VAV2: variants seen among roughly 807,000 people sequenced by gnomAD.
VAV2 encodes the protein guanine nucleotide exchange factor VAV2.
In VAV2, 67 loss-of-function variants were observed where a neutral mutation model predicts 132.5. The ratio of observed to expected loss-of-function variants is 0.51; its 90% CI spans 0.42 to 0.62. The LOEUF (loss-of-function observed/expected upper bound fraction) is 0.62. Among genes scored for constraint, VAV2 ranks in the 20% least tolerant of loss-of-function variants. VAV2 has a pLI of 0.00. For synonymous variants in VAV2, 492 were observed against 443.5 expected, an observed-to-expected ratio of 1.11 and a Z score of -1.37; for missense variants, 938 against 1,153.6, an observed-to-expected ratio of 0.81 and a Z score of 2.71.
Position 133,860,163 on chromosome 9 carries a change from G to A in VAV2, c.380+1211C>T, listed in dbSNP as rs62576549. Among the ~76,000 whole-genome samples the A allele has an allele frequency of 5.7e-3, 866 of 151,966 alleles. 7 individuals carry two copies. Among genetic ancestry groups the A allele is most frequent in the Non-Finnish European group, 8.2e-3 (558 of 67,946 alleles). On this transcript the variant is annotated intron_variant, in intron 3 of 29. Transcript: ENST00000371850. ...TGAAAATACAAAAAATTAGCCGGGC[G>A]TGGTGGTGCGTGCCTGTAATCCCAG...
chr9:133,827,715 G>A (rs3017469), intron 4 of VAV2, among the ~76,000 whole-genome samples: 361 of 8,680 alleles, frequency 0.042, 14 homozygotes, highest in Middle Eastern at 0.12. Flanking sequence ...GCGCCCACTG[G>A]GGCTGACCAC....
At chr9:133,980,798 A>G (rs66904038) in intron 1 of VAV2, among the ~76,000 whole-genome samples, 15,767 of 152,196 alleles carry the variant, frequency 0.1, 889 homozygotes, top group Middle Eastern at 0.13. Context: ...CAGATTTCAA[A>G]AACTGCAACA....
At chr9:133,784,283 C>A in intron 18 of VAV2, 34 bp downstream of exon 18, 1 of 1,598,302 alleles carries the variant, frequency 6.3e-7, no homozygotes. Context: ...GGGCGTGGAG[C>A]GAGGTGAGGG....
At chr9:133,976,846 A>G (rs1305123816) in intron 1 of VAV2, among the ~76,000 whole-genome samples, 1 of 151,984 alleles carries the variant, frequency 6.6e-6, no homozygotes, top group Non-Finnish European at 1.5e-5. Context: ...TCATCCACTG[A>G]GGAAGCCACT....
At chr9:133,915,128 T>C (rs1840031151) in intron 2 of VAV2, among the ~76,000 whole-genome samples, 1 of 152,106 alleles carries the variant, frequency 6.6e-6, no homozygotes, top group African/African-American at 2.4e-5. Context: ...CCCCTTTTCC[T>C]GGCTCAGGGA....
rs771937857 is a variant in VAV2, at chr9:133,909,722, C to T, written c.321+29381G>A. Among the ~76,000 whole-genome samples the T allele has an allele frequency of 8.5e-5, 13 of 152,270 alleles. No individual in the cohort carries two copies. The South Asian group carries it at 1.2e-3, about 15-fold the overall frequency. ...ATGGCAGACACACGGTGTGTGAGGC[C>T]GGAAGAAACACTCTGCCCTGAGACT... On this transcript the variant is annotated intron_variant, in intron 2 of 29. Coordinates refer to ENST00000371850, the MANE Select transcript of VAV2 (RefSeq NM_001134398.2).
At chr9:133,830,674 A>T (rs1333980676) in intron 4 of VAV2, among the ~76,000 whole-genome samples, 1 of 152,196 alleles carries the variant, frequency 6.6e-6, no homozygotes, top group East Asian at 1.9e-4. Context: ...CTGGCTTCTG[A>T]TTAGACCATT....
At chr9:133,909,587 AAGAGATAGCCAGCGGCTATCTCTTCCTC>A (rs1839803103) in intron 2 of VAV2, among the ~76,000 whole-genome samples, 1 of 152,104 alleles carries the variant, frequency 6.6e-6, no homozygotes, top group Non-Finnish European at 1.5e-5. Context: ...TGCCATCCAC[AAGAGATAGCCAGCGGCTATCTCTTCCTC>A]CTTGTCACTG....
intron 1 of VAV2, among the ~76,000 whole-genome samples, chr9:133,956,326 C>T (rs917516460): frequency 6.6e-6 from 1 of 152,178 alleles, no homozygotes; most frequent in Admixed American, 6.5e-5. Context: ...CCCTGTGACC[C>T]TCAGCCCAAG....
At chr9:133,832,123 G>C (rs569328218) in intron 4 of VAV2, among the ~76,000 whole-genome samples, 1 of 152,328 alleles carries the variant, frequency 6.6e-6, no homozygotes, top group African/African-American at 2.4e-5. Flanking sequence ...GGAGAGGACA[G>C]GAAGAAGGTG....
intron 1 of VAV2, among the ~76,000 whole-genome samples, chr9:133,978,944 G>A (rs1420660960): frequency 6.6e-6 from 1 of 152,238 alleles, no homozygotes; most frequent in Non-Finnish European, 1.5e-5. Context: ...GTGAAGAAGG[G>A]GGCTCATCAG....
At chr9:133,843,942 G>C (rs1207832523) in intron 3 of VAV2, among the ~76,000 whole-genome samples, 1 of 152,174 alleles carries the variant, frequency 6.6e-6, no homozygotes, top group African/African-American at 2.4e-5. Context: ...ATCTGCCATG[G>C]CAGGTCCAGC....
rs907362165 is a variant in VAV2 at position 133,935,222 on chromosome 9, G to C, written c.321+3881C>G. Among the ~76,000 whole-genome samples the C allele has an allele frequency of 2.0e-5, 3 of 152,168 alleles. No homozygotes were observed. Among genetic ancestry groups the C allele is most frequent in the African/African-American group, 7.2e-5 (3 of 41,442 alleles). ...TGGAATGGCCAGGGCGTCCCAACTG[G>C]GCTGAGCTCATGAATGACAAAAGAT... On this transcript the variant is annotated intron_variant, in intron 2 of 29. Transcript: ENST00000371850. This position sits in a 1 kb window ranked among gnomAD's most constrained non-coding sequence, Gnocchi z 5.2.
chr9:133,765,943 T>C (rs1833417076), intron 29 of VAV2, among the ~76,000 whole-genome samples: 1 of 152,190 alleles, frequency 6.6e-6, no homozygotes, highest in Non-Finnish European at 1.5e-5. Flanking sequence ...GAAATTTTGT[T>C]TCAAAATTAT....
At chr9:133,815,662 C>T (rs1384882869) in intron 4 of VAV2, among the ~76,000 whole-genome samples, 1 of 152,208 alleles carries the variant, frequency 6.6e-6, no homozygotes, top group Non-Finnish European at 1.5e-5. Flanking sequence ...GAGTACTAAT[C>T]CACGGCATGA....
rs1833530041 is a variant in VAV2, at chr9:133,769,083, T to C, written c.2434+334A>G. 6.6e-6 allele frequency among the ~76,000 whole-genome samples: 1 copy of C among 152,190 alleles called. No individual in the cohort carries two copies. Among genetic ancestry groups the C allele is most frequent in the African/African-American group, 2.4e-5 (1 of 41,444 alleles). ...TGCACCCAAGTCCCACAGCTCCTCC[T>C]CGTGGCCACCTGCTTTCTGCTACCA... is the stretch of plus-strand genomic sequence containing the variant. On this transcript the variant is annotated intron_variant, in intron 28 of 29. Coordinates refer to ENST00000371850, the MANE Select transcript of VAV2 (RefSeq NM_001134398.2). The surrounding 1 kb of genome is among the most constrained non-coding windows in gnomAD (Gnocchi z 8.1).
chr9:133,819,589 T>C (rs1835706315), intron 4 of VAV2, among the ~76,000 whole-genome samples: 1 of 152,212 alleles, frequency 6.6e-6, no homozygotes, highest in African/African-American at 2.4e-5. Context: ...TCCGAGCCTG[T>C]TGATACTGGG....
Position 133,840,446 on chromosome 9 carries a change from G to A in VAV2, c.381-6106C>T, listed in dbSNP as rs182287806. ...CACTCCTGCCCCTGAGCCACTGCTT[G>A]CTCAAGGAGCTCCCCCAGCCCCCAA... is the stretch of plus-strand genomic sequence containing the variant. On this transcript the variant is annotated intron_variant, in intron 3 of 29. Transcript: ENST00000371850. The surrounding 1 kb of genome is among the most constrained non-coding windows in gnomAD (Gnocchi z 4.5). Among the ~76,000 whole-genome samples the A allele has an allele frequency of 6.6e-6, 1 of 152,200 alleles. No individual in the cohort carries two copies. The highest frequency in any genetic ancestry group is 1.9e-4 in the East Asian group (1 of 5,158).
chr9:133,788,232 AC>A lies in VAV2; in HGVS notation c.1407+121del. On this transcript the variant is annotated intron_variant, in intron 15 of 29. Coordinates refer to ENST00000371850, the MANE Select transcript of VAV2 (RefSeq NM_001134398.2). This position sits in a 1 kb window ranked among gnomAD's most constrained non-coding sequence, Gnocchi z 5.3. The stretch of plus-strand genomic sequence containing the variant: ...CTGCAGAGCGGAGACGCCCACCCCA[AC>A]CCACCCGGCCAGCATCAGCGGCTGA... 8.1e-6 allele frequency: 5 copies of A among 615,282 alleles called. No individual in the cohort carries two copies. Among genetic ancestry groups the A allele is most frequent in the Non-Finnish European group, 1.1e-5 (4 of 369,380 alleles). 38.1% of individuals were successfully genotyped at this position (615,282 alleles called of 1,614,324 possible).
Sources: allele counts gnomAD v4.1 joint callset (sites outside exome capture counted in the v4.1 genomes callset), GRCh38; gene constraint gnomAD v4.1.1; non-coding constraint Gnocchi (gnomAD v3.1); transcripts MANE v1.5; gene names NCBI Gene and HGNC (gene_info 2026-07-23, HGNC 2026-07-21).